ALMS1: variants seen among roughly 807,000 people sequenced by gnomAD.
The protein encoded by ALMS1 is centrosome-associated protein ALMS1.
A neutral mutation model predicts 352.2 loss-of-function variants in ALMS1; 271 were observed. The ratio of observed to expected loss-of-function variants is 0.77; its 90% confidence interval spans 0.70 to 0.85. The LOEUF is 0.85. Among genes scored for constraint, ALMS1 ranks in the 40% least tolerant of loss-of-function variants. ALMS1 has a pLI of 0.00. For synonymous variants in ALMS1, 1,865 were observed against 1,761.2 expected, an observed-to-expected ratio of 1.06 and a Z score of -1.48; for missense variants, 5,445 against 4,870.7, an observed-to-expected ratio of 1.12 and a Z score of -3.51.
chr2:73,476,497 C>T (rs1425831835), intron 9 of ALMS1, among the ~76,000 whole-genome samples: 2 of 152,030 alleles, frequency 1.3e-5, no homozygotes, highest in Non-Finnish European at 2.9e-5. Context: ...AAGGGCTACA[C>T]TGTTTACATT....
chr2:73,517,982 G>T (rs1425175692), intron 10 of ALMS1, among the ~76,000 whole-genome samples: 7 of 152,036 alleles, frequency 4.6e-5, no homozygotes, highest in Admixed American at 3.9e-4. Context: ...AAACTTTTAG[G>T]TTCAGGGGGT....
chr2:73,433,325 CAA>C (rs1309890899), intron 7 of ALMS1, among the ~76,000 whole-genome samples: 2 of 152,052 alleles, frequency 1.3e-5, no homozygotes, highest in South Asian at 2.1e-4. Context: ...GGATAGCAGT[CAA>C]AGAGAGAAGA....
chr2:73,485,091 C>T (rs1672799791), intron 9 of ALMS1, among the ~76,000 whole-genome samples: 1 of 152,226 alleles, frequency 6.6e-6, no homozygotes, highest in African/African-American at 2.4e-5. Context: ...AGTCATTCTC[C>T]ATCCAGCTTT....
intron 15 of ALMS1, among the ~76,000 whole-genome samples, chr2:73,566,353 A>G (rs1674800410): frequency 6.6e-6 from 1 of 152,192 alleles, no homozygotes; most frequent in African/African-American, 2.4e-5. Context: ...GCACTGCAGT[A>G]TCATGACAGT....
intron 10 of ALMS1, among the ~76,000 whole-genome samples, chr2:73,517,985 C>T (rs1468831019): frequency 1.3e-5 from 2 of 152,000 alleles, no homozygotes; most frequent in Non-Finnish European, 2.9e-5. Context: ...CTTTTAGGTT[C>T]AGGGGGTACA....
intron 9 of ALMS1, among the ~76,000 whole-genome samples, chr2:73,487,051 CAAAG>C (rs946494454): frequency 6.6e-6 from 1 of 152,010 alleles, no homozygotes; most frequent in Non-Finnish European, 1.5e-5. Context: ...CTGTCTTAAA[CAAAG>C]AAGAAGAGAA....
intron 11 of ALMS1, 109 bp from the exon 12 acceptor site, chr2:73,534,715 A>T: frequency 8.3e-7 from 1 of 1,209,172 alleles, no homozygotes; most frequent in South Asian, 1.3e-5. Context: ...GTTTACTCAT[A>T]AATTCCAAAA....
At chr2:73,540,520 A>G (rs926169566) in intron 12 of ALMS1, among the ~76,000 whole-genome samples, 8 of 152,198 alleles carry the variant, frequency 5.3e-5, no homozygotes, top group Non-Finnish European at 1.0e-4. Flanking sequence ...TTCACACATA[A>G]CAATATTAAT....
chr2:73,592,657 A>C (rs1675457244), intron 16 of ALMS1, among the ~76,000 whole-genome samples: 1 of 152,228 alleles, frequency 6.6e-6, no homozygotes, highest in Non-Finnish European at 1.5e-5. Context: ...GAAGAATAGC[A>C]GTGTAGGGTC....
At chr2:73,493,376 CAG>C (rs1673032322) in intron 10 of ALMS1, among the ~76,000 whole-genome samples, 2 of 145,258 alleles carry the variant, frequency 1.4e-5, no homozygotes, top group East Asian at 3.9e-4. Context: ...CACACACACA[CAG>C]ATGCATAAAA....
At position 73,385,952 on chromosome 2, in the gene ALMS1, G is replaced by C; in HGVS notation, c.84G>C (p.Glu28Asp). The change falls in exon 1 of 23, where the codon GAG (glutamate) becomes GAC (aspartate). Residue 28 changes from glutamate (E) to aspartate (D), a missense_variant. Glu to Asp is a conservative substitution (Grantham distance 45, BLOSUM62 2). Coordinates refer to ENST00000613296, the MANE Select transcript of ALMS1 (RefSeq NM_001378454.1). ...AGGAGGAGGAGGAGGAAGAGGAGGA[G>C]GCTGCAGCGGCGGCGGCGGCGAACG... ...EEEEEEEEEE[E>D]AAAAAAANVD... 7.4e-7 allele frequency: 1 copy of C among 1,349,686 alleles called. No individual in the cohort carries two copies. Among genetic ancestry groups the C allele is most frequent in the Non-Finnish European group, 1.0e-6 (1 of 965,600 alleles). The allele number at this position is 1,349,686 out of a possible 1,614,324, so 83.6% of individuals were successfully genotyped here. A position where few individuals can be genotyped will look rare whatever the true frequency, so the allele number is the denominator to read the frequency against.
chr2:73,523,912 T>C (rs2103970721), intron 11 of ALMS1, among the ~76,000 whole-genome samples: 1 of 152,206 alleles, frequency 6.6e-6, no homozygotes, highest in East Asian at 1.9e-4. Flanking sequence ...GGTTACAGGA[T>C]ATAAGAGAAA....
chr2:73,586,860 T>C (rs977033157), intron 16 of ALMS1, among the ~76,000 whole-genome samples: 2 of 152,254 alleles, frequency 1.3e-5, no homozygotes, highest in East Asian at 3.8e-4. Flanking sequence ...TTTCACAATA[T>C]TAATTCTAGC....
At chr2:73,587,223 C>A (rs1573042608) in intron 16 of ALMS1, among the ~76,000 whole-genome samples, 2 of 152,244 alleles carry the variant, frequency 1.3e-5, no homozygotes, top group East Asian at 3.9e-4. Context: ...CATCGGTGAA[C>A]AGTGACAGTT....
chr2:73,510,083 A>G (rs1160835318), intron 10 of ALMS1, among the ~76,000 whole-genome samples: 1 of 152,076 alleles, frequency 6.6e-6, no homozygotes, highest in African/African-American at 2.4e-5. Context: ...ATTTATGTTC[A>G]TCTCTAAACT....
At chr2:73,434,805 G>A (rs1671575569) in intron 7 of ALMS1, among the ~76,000 whole-genome samples, 2 of 152,018 alleles carry the variant, frequency 1.3e-5, no homozygotes, top group South Asian at 4.2e-4. Flanking sequence ...TATTCCTGAT[G>A]AATTGACCTT....
At chr2:73,534,694 CA>C in intron 11 of ALMS1, 129 bp from the exon 12 acceptor site, 1 of 880,138 alleles carries the variant, frequency 1.1e-6, no homozygotes, top group Non-Finnish European at 1.8e-6. Flanking sequence ...GGCAGAGATA[CA>C]TTTCTCTTTG....
rs751254168 is a variant in ALMS1 at position 73,451,606 on chromosome 2, T to C, written c.5079T>C (p.Pro1693=). The change falls in exon 8 of 23, where the codon CCT becomes CCC. Residue 1693 remains proline, a synonymous_variant. Transcript: ENST00000613296. ...CTGAAGAAGCTCTGAAAGTTCCACC[T>C]GTTCCTGGACCAGATGCCCAGAAGA... ...HLPEEALKVP[P]VPGPDAQKTE... 1.5e-5 allele frequency: 24 copies of C among 1,614,004 alleles called. No homozygotes were observed. Among genetic ancestry groups the C allele is most frequent in the Non-Finnish European group, 1.8e-5 (21 of 1,180,010 alleles).
At chr2:73,458,922 T>C (rs958983532) in intron 9 of ALMS1, 2 of 152,208 alleles carry the variant, frequency 1.3e-5, no homozygotes, top group African/African-American at 4.8e-5. Flanking sequence ...GTGTCAGGTA[T>C]GTTACTATTT....
Sources: gnomAD v4.1 joint callset for allele counts (sites outside exome capture counted in the v4.1 genomes callset) on GRCh38, gnomAD v4.1.1 for gene constraint, MANE v1.5 for transcripts, NCBI Gene and HGNC (gene_info 2026-07-23, HGNC 2026-07-21) for gene names.